VAT1L: variants seen among roughly 807,000 people sequenced by gnomAD.
VAT1L encodes the protein vesicle amine transport 1 like.
VAT1L carries 34 observed loss-of-function variants against 44.1 expected under a neutral mutation model. The observed-to-expected ratio is 0.77, with a 90% confidence interval of 0.59 to 1.03. The LOEUF (loss-of-function observed/expected upper bound fraction) is 1.03, where lower values mean the gene tolerates loss of function less well. VAT1L is among the 50% of genes least tolerant of loss of function. The pLI, the probability that VAT1L is intolerant of heterozygous loss-of-function variation, is 0.00. For missense variants in VAT1L, 615 were observed against 538.8 expected (o/e 1.14, Z -1.40); for synonymous variants, 253 against 202.2 (o/e 1.25, Z -2.13).
chr16:77,788,847 G>A lies in VAT1L; in HGVS notation c.165G>A (p.Lys55=). 5 of 1,579,332 alleles carry A rather than the reference G, an allele frequency of 3.2e-6. No individual in the cohort carries two copies. The highest frequency in any genetic ancestry group is 1.8e-5 in the Admixed American group (1 of 54,176). The change falls in exon 1 of 9, where the codon AAG becomes AAA. Residue 55 remains lysine (K), a synonymous_variant. Transcript: ENST00000302536. ...VVLAGFGGLN[K]LRLFRKAMPE... is the part of the protein sequence containing the mutation. ...TGGCTGGCTTCGGGGGGCTCAACAA[G>A]CTGCGGCTCTTCAGGAAGGCCATGC...
chr16:77,972,444 A>G (rs922586889), intron 8 of VAT1L, among the ~76,000 whole-genome samples: 4 of 152,058 alleles, frequency 2.6e-5, no homozygotes, highest in African/African-American at 9.7e-5. Context: ...CAGCCTCTTG[A>G]GCAGCTGAGA....
At chr16:77,946,279 C>CTTTTTTTTTTTTTTTGTTTTTTTTTT (rs2017964266) in intron 7 of VAT1L, among the ~76,000 whole-genome samples, 1 of 70,428 alleles carries the variant, frequency 1.4e-5, no homozygotes, top group African/African-American at 5.3e-5. Flanking sequence ...GTTACTTGTT[C>CTTTTTTTTTTTTTTTGTTTTTTTTTT]TTTTTTTTTT....
chr16:77,966,008 T>C (rs1433441079), intron 7 of VAT1L, among the ~76,000 whole-genome samples: 1 of 152,164 alleles, frequency 6.6e-6, no homozygotes, highest in African/African-American at 2.4e-5. Context: ...ACTCTCAGTG[T>C]AAAATACACC....
At chr16:77,883,135 C>T (rs981339492) in intron 6 of VAT1L, among the ~76,000 whole-genome samples, 8 of 152,218 alleles carry the variant, frequency 5.3e-5, no homozygotes, top group Non-Finnish European at 1.0e-4. Context: ...TAATTCTTTT[C>T]GAAAACAGGA....
intron 3 of VAT1L, 46 bp downstream of exon 3, chr16:77,825,507 G>A: frequency 1.3e-6 from 2 of 1,545,950 alleles, no homozygotes; most frequent in Non-Finnish European, 1.7e-6. Flanking sequence ...TCATGATGGT[G>A]GAAGTGGAGT....
chr16:77,910,808 G>A (rs146645311), intron 7 of VAT1L, among the ~76,000 whole-genome samples: 1 of 152,188 alleles, frequency 6.6e-6, no homozygotes, highest in African/African-American at 2.4e-5. Context: ...TCTCAAAACT[G>A]TCAGTGCATC....
At chr16:77,804,828 A>G (rs2016127207) in intron 1 of VAT1L, among the ~76,000 whole-genome samples, 1 of 152,204 alleles carries the variant, frequency 6.6e-6, no homozygotes, top group Non-Finnish European at 1.5e-5. Flanking sequence ...CCCACTGCAA[A>G]GAGAACTTTT....
At chr16:77,802,529 G>C (rs2914448) in intron 1 of VAT1L, among the ~76,000 whole-genome samples, 1 of 151,558 alleles carries the variant, frequency 6.6e-6, no homozygotes, top group African/African-American at 2.4e-5. Flanking sequence ...GCAGGGAATT[G>C]CTTGAACCCA....
chr16:77,811,964 G>C (rs1032076118), intron 1 of VAT1L, among the ~76,000 whole-genome samples: 2 of 152,152 alleles, frequency 1.3e-5, no homozygotes. Flanking sequence ...TGAGAGCTGG[G>C]GAAGGCTTCA....
intron 7 of VAT1L, among the ~76,000 whole-genome samples, chr16:77,900,959 G>GGCATTT (rs938524503): frequency 3.5e-4 from 53 of 152,068 alleles, no homozygotes; most frequent in African/African-American, 1.3e-3. Context: ...AAATGCAAGA[G>GGCATTT]GCATTTGCTT....
chr16:77,836,969 C>G (rs986322492), intron 3 of VAT1L, among the ~76,000 whole-genome samples: 1 of 152,172 alleles, frequency 6.6e-6, no homozygotes, highest in African/African-American at 2.4e-5. Flanking sequence ...TATCGCACCT[C>G]ATTTTAACAG....
chr16:77,899,965 T>A (rs1016161377), intron 7 of VAT1L, among the ~76,000 whole-genome samples: 6 of 152,252 alleles, frequency 3.9e-5, no homozygotes, highest in Non-Finnish European at 8.8e-5. Context: ...TTGGACATAC[T>A]CCACATGAGC....
At chr16:77,927,879 T>A (rs1438219377) in intron 7 of VAT1L, among the ~76,000 whole-genome samples, 1 of 152,044 alleles carries the variant, frequency 6.6e-6, no homozygotes, top group Non-Finnish European at 1.5e-5. Flanking sequence ...TAAATAAATA[T>A]AAATAAATAA....
At chr16:77,907,543 CT>C (rs2017451347) in intron 7 of VAT1L, among the ~76,000 whole-genome samples, 1 of 152,208 alleles carries the variant, frequency 6.6e-6, no homozygotes, top group Non-Finnish European at 1.5e-5. Context: ...TTTGCTCTCA[CT>C]TCTTGGACAC....
intron 7 of VAT1L, among the ~76,000 whole-genome samples, chr16:77,907,258 C>G (rs972040755): frequency 9.9e-5 from 15 of 152,174 alleles, no homozygotes; most frequent in African/African-American, 3.6e-4. Context: ...TCCCTGGACT[C>G]CAGTTCCACA....
At chr16:77,924,054 CACTGAGCA>C (rs1325854135) in intron 7 of VAT1L, among the ~76,000 whole-genome samples, 5 of 152,078 alleles carry the variant, frequency 3.3e-5, no homozygotes, top group Middle Eastern at 3.4e-3. Context: ...AGCTGTGAGA[CACTGAGCA>C]ACTGATTCAA....
At chr16:77,815,863 G>A (rs1281287105) in intron 1 of VAT1L, among the ~76,000 whole-genome samples, 1 of 151,814 alleles carries the variant, frequency 6.6e-6, no homozygotes, top group African/African-American at 2.4e-5. Context: ...AGCTACTTGG[G>A]AGGCTGAGGC....
At position 77,879,244 on chromosome 16, in the gene VAT1L, T is replaced by A. The variant is rs1175815083; in HGVS notation, c.882+20T>A. The A allele has an allele frequency of 3.1e-6, 5 of 1,612,182 alleles. No homozygotes were observed. The East Asian group carries it at 1.1e-4, about 36-fold the overall frequency. On this transcript the variant is annotated intron_variant, in intron 6 of 8. Coordinates refer to ENST00000302536, the MANE Select transcript of VAT1L (RefSeq NM_020927.3). This position sits in a 1 kb window ranked among gnomAD's most constrained non-coding sequence, Gnocchi z 4.1. ...AAATCAGTAAGTATCCAGGCACATC[T>A]GATGTACTGTGGTGGCATGTTGATT... is the stretch of plus-strand genomic sequence containing the variant.
intron 4 of VAT1L, among the ~76,000 whole-genome samples, chr16:77,866,931 T>C (rs977999454): frequency 1.3e-5 from 2 of 152,130 alleles, no homozygotes. Flanking sequence ...TCAGGTGCAC[T>C]TGAAGGTTGC....
Sources: gnomAD v4.1 joint callset for allele counts (sites outside exome capture counted in the v4.1 genomes callset) on GRCh38, gnomAD v4.1.1 for gene constraint, Gnocchi (gnomAD v3.1) non-coding constraint, MANE v1.5 for transcripts, NCBI Gene and HGNC (gene_info 2026-07-23, HGNC 2026-07-21) for gene names.